The following CIB1 variants were observed in gnomAD, a reference collection of about 807,000 sequenced individuals.
CIB1 encodes the protein calcium and integrin binding 1.
In CIB1, 19 loss-of-function variants were observed where a neutral mutation model predicts 25.0. The ratio of observed to expected loss-of-function variants is 0.76; its 90% CI spans 0.53 to 1.12. CIB1 has a LOEUF of 1.12. CIB1 is among the 50% of genes most tolerant of loss of function. CIB1 has a pLI of 0.00. For missense variants in CIB1, 236 were observed against 242.6 expected, an observed-to-expected ratio of 0.97 and a Z score of 0.18; for synonymous variants, 104 against 98.5, an observed-to-expected ratio of 1.06 and a Z score of -0.33.
chr15:90,239,886 C>A, the CIB1 span, among the ~76,000 whole-genome samples: 2 of 152,114 alleles, frequency 1.3e-5, no homozygotes, highest in Admixed American at 1.3e-4. Flanking sequence ...GTATGCACCA[C>A]TGCACTCCTG....
At chr15:90,264,208 T>C in the CIB1 span, 1 of 618,434 alleles carries the variant, frequency 1.6e-6, no homozygotes, top group Non-Finnish European at 2.8e-6. Flanking sequence ...TCCTTTTTTT[T>C]TGAGACAAGG....
chr15:90,253,225 C>G, the CIB1 span: 1 of 1,599,240 alleles, frequency 6.3e-7, no homozygotes, highest in East Asian at 2.2e-5. Flanking sequence ...CATGCTGGCA[C>G]TACTGATCTC....
chr15:90,257,768 C>G, the CIB1 span: 1 of 1,583,930 alleles, frequency 6.3e-7, no homozygotes, highest in Non-Finnish European at 8.7e-7. Context: ...CCCTTAGCCC[C>G]ACAGTCCCAG....
the CIB1 span, chr15:90,263,392 C>T: frequency 2.0e-6 from 1 of 509,924 alleles, no homozygotes; most frequent in African/African-American, 1.9e-5. Context: ...TTACAGGAAA[C>T]TTGCTCTCTA....
chr15:90,265,414 C>T, the CIB1 span: 3 of 1,276,852 alleles, frequency 2.3e-6, no homozygotes, highest in Non-Finnish European at 3.0e-6. Context: ...TGGGCAGCCG[C>T]TGGGGCGGAG....
intron 2 of CIB1, 80 bp from the exon 3 acceptor site, chr15:90,232,407 C>T: frequency 6.7e-7 from 1 of 1,486,770 alleles, no homozygotes; most frequent in Admixed American, 2.4e-5. Flanking sequence ...GCCTGCTGCT[C>T]ATTGTCAACC....
At chr15:90,238,016 T>G (rs113481746), upstream of CIB1, among the ~76,000 whole-genome samples, 6,001 of 152,252 alleles carry the variant, frequency 0.039, 415 homozygotes, top group African/African-American at 0.13. Context: ...TTAAACATTT[T>G]TGGCCAGGTG....
upstream of CIB1, among the ~76,000 whole-genome samples, chr15:90,237,460 A>G (rs1214791363): frequency 6.6e-6 from 1 of 150,694 alleles, no homozygotes; most frequent in Non-Finnish European, 1.5e-5. Flanking sequence ...TAATTTTTGT[A>G]TTTTTAGTAG....
the CIB1 span, chr15:90,240,851 C>T: frequency 8.9e-7 from 1 of 1,121,080 alleles, no homozygotes. Context: ...ATGACAATCT[C>T]TGGAGGTGGG....
At chr15:90,236,706 G>A (rs766275689), upstream of CIB1, among the ~76,000 whole-genome samples, 1 of 150,942 alleles carries the variant, frequency 6.6e-6, no homozygotes, top group Non-Finnish European at 1.5e-5. Context: ...GCTAATTTTT[G>A]TATTTTTTTT....
chr15:90,235,530 A>C (rs1962615197), upstream of CIB1, among the ~76,000 whole-genome samples: 1 of 152,196 alleles, frequency 6.6e-6, no homozygotes, highest in South Asian at 2.1e-4. Context: ...TAAAAATAAA[A>C]AAAAATAACT....
At chr15:90,257,726 C>G in the CIB1 span, 1 of 1,613,474 alleles carries the variant, frequency 6.2e-7, no homozygotes. Context: ...GTAAGAGGTA[C>G]TCCCTACTCT....
At chr15:90,257,777 A>G in the CIB1 span, 1 of 1,561,706 alleles carries the variant, frequency 6.4e-7, no homozygotes, top group Non-Finnish European at 8.8e-7. Flanking sequence ...CCACAGTCCC[A>G]GTAGCCCATG....
the CIB1 span, chr15:90,250,953 C>T: frequency 1.9e-6 from 3 of 1,559,468 alleles, no homozygotes; most frequent in Non-Finnish European, 2.6e-6. Context: ...CTCCCTTCAA[C>T]ATCTGGAGGA....
At chr15:90,261,110 ACT>A in the CIB1 span, among the ~76,000 whole-genome samples, 2 of 139,596 alleles carry the variant, frequency 1.4e-5, no homozygotes, top group African/African-American at 5.4e-5. Context: ...GACTAGTCTC[ACT>A]CTGTCATCTA....
At chr15:90,262,205 C>CA in the CIB1 span, 1 of 1,521,844 alleles carries the variant, frequency 6.6e-7, no homozygotes, top group African/African-American at 1.4e-5. Context: ...CTTTGACCGA[C>CA]ATTCTCCTCT....
intron 2 of CIB1, 129 bp downstream of exon 2, chr15:90,233,540 T>A: frequency 8.3e-7 from 1 of 1,205,254 alleles, no homozygotes; most frequent in Non-Finnish European, 1.2e-6. Context: ...CCGGGCTAGG[T>A]CTCCCGGCCT....
At chr15:90,234,028 G>A, upstream of CIB1, 1 of 977,540 alleles carries the variant, frequency 1.0e-6, no homozygotes, top group Non-Finnish European at 1.4e-6. Context: ...CCTCCTAAAA[G>A]CTGCCAGGCG....
chr15:90,234,014 G>T (rs1596173648), upstream of CIB1: 4 of 1,088,720 alleles, frequency 3.7e-6, no homozygotes, highest in Non-Finnish European at 5.0e-6. Flanking sequence ...CCCCGGGCCC[G>T]CCCCCTCCTA....
Sources: allele counts gnomAD v4.1 joint callset (sites outside exome capture counted in the v4.1 genomes callset), GRCh38; gene constraint gnomAD v4.1.1; transcripts MANE v1.5; gene names NCBI Gene and HGNC (gene_info 2026-07-23, HGNC 2026-07-21).